Variants in PTPRD observed in about 807,000 individuals in gnomAD.
PTPRD encodes the protein receptor-type tyrosine-protein phosphatase delta.
PTPRD carries 34 observed loss-of-function variants against 214.5 expected under a neutral mutation model. That is an observed-to-expected ratio of 0.16 (90% CI 0.12 to 0.21). The LOEUF is 0.21. Ranked by LOEUF, PTPRD falls within the 10% of genes least tolerant of loss-of-function variation. The pLI, the probability that PTPRD is intolerant of heterozygous loss-of-function variation, is 1.00. For synonymous variants in PTPRD, 1,128 were observed against 845.7 expected (o/e 1.33, Z -5.79); for missense variants, 2,545 against 2,398.7 (o/e 1.06, Z -1.27).
At chr9:9,984,170 A>C (rs1728665335) in intron 4 of PTPRD, among the ~76,000 whole-genome samples, 1 of 152,198 alleles carries the variant, frequency 6.6e-6, no homozygotes, top group Non-Finnish European at 1.5e-5. Flanking sequence ...TTAATAATTA[A>C]ACTGCAAACT....
intron 9 of PTPRD, among the ~76,000 whole-genome samples, chr9:9,205,311 C>T (rs969462847): frequency 2.6e-5 from 4 of 152,068 alleles, no homozygotes; most frequent in African/African-American, 7.2e-5. Flanking sequence ...TCATATAATA[C>T]TGTAAATATG....
intron 11 of PTPRD, among the ~76,000 whole-genome samples, chr9:8,888,233 C>T (rs938819462): frequency 1.3e-5 from 2 of 152,148 alleles, no homozygotes; most frequent in Non-Finnish European, 2.9e-5. Context: ...CAAGAGTGCT[C>T]ATCAAGTACT....
At chr9:8,735,692 T>G (rs927104633) in intron 11 of PTPRD, among the ~76,000 whole-genome samples, 1 of 151,950 alleles carries the variant, frequency 6.6e-6, no homozygotes, top group Non-Finnish European at 1.5e-5. Flanking sequence ...GGAGGATCAC[T>G]TGAGGCCAGG....
rs1430943450 is a variant in PTPRD, at chr9:10,542,891, T to C, written c.-600+69507A>G. ...GCACTACCACGCCAGGCTAATTTTG[T>C]ATTTTTATTTTATTTGTTTATTTAT... On this transcript the variant is annotated intron_variant, in intron 2 of 45. Coordinates refer to ENST00000381196, the MANE Select transcript of PTPRD (RefSeq NM_002839.4). Among the ~76,000 whole-genome samples, 3 of 152,040 alleles carry C rather than the reference T, an allele frequency of 2.0e-5. No homozygotes were observed. In the East Asian group the frequency reaches 5.8e-4, roughly 29 times the overall value.
chr9:8,741,347 A>G (rs536573497), intron 11 of PTPRD, among the ~76,000 whole-genome samples: 20 of 152,282 alleles, frequency 1.3e-4, no homozygotes, highest in African/African-American at 4.6e-4. Flanking sequence ...CATAGCTTCT[A>G]TCTAGTTTTA....
chr9:8,816,599 CAA>C (rs2096924256), intron 11 of PTPRD, among the ~76,000 whole-genome samples: 2 of 152,196 alleles, frequency 1.3e-5, no homozygotes, highest in African/African-American at 4.8e-5. Context: ...GCTTTTATGT[CAA>C]GTTCTGTTAG....
Position 9,109,118 on chromosome 9 carries a change from A to C in PTPRD, c.-143+74186T>G, listed in dbSNP as rs186662267. Among the ~76,000 whole-genome samples the C allele has an allele frequency of 6.4e-3, 980 of 152,262 alleles. 9 individuals are homozygous for C. Among genetic ancestry groups the C allele is most frequent in the African/African-American group, 0.022 (932 of 41,554 alleles). On this transcript the variant is annotated intron_variant, in intron 10 of 45. Transcript: ENST00000381196. ...CTTCCTTAGCAATAAACCATGAGGGAAGAATTCCAACAGTACCTCCATATT... is the reference window on the plus strand; with the variant it reads ...CTTCCTTAGCAATAAACCATGAGGGCAGAATTCCAACAGTACCTCCATATT...
chr9:9,646,295 T>G (rs185905194), intron 7 of PTPRD, among the ~76,000 whole-genome samples: 128 of 151,032 alleles, frequency 8.5e-4, no homozygotes, highest in African/African-American at 2.9e-3. Context: ...GTGACCATTT[T>G]GGGAGGGGTG....
intron 3 of PTPRD, among the ~76,000 whole-genome samples, chr9:10,307,883 T>C (rs2096135690): frequency 6.6e-6 from 1 of 152,050 alleles, no homozygotes; most frequent in South Asian, 2.1e-4. Context: ...AAAATATCTA[T>C]TCATATCATT....
intron 2 of PTPRD, among the ~76,000 whole-genome samples, chr9:10,437,786 T>G (rs1041802373): frequency 2.6e-5 from 4 of 151,200 alleles, no homozygotes; most frequent in Non-Finnish European, 5.9e-5. Context: ...TATATATATA[T>G]CTGATAAAAT....
intron 2 of PTPRD, among the ~76,000 whole-genome samples, chr9:10,537,814 G>A (rs560831896): frequency 6.6e-6 from 1 of 152,036 alleles, no homozygotes; most frequent in African/African-American, 2.4e-5. Context: ...AACAAGCCAG[G>A]CTTTTCCTTA....
chr9:8,652,066 G>C (rs2096823643), intron 12 of PTPRD, among the ~76,000 whole-genome samples: 1 of 152,148 alleles, frequency 6.6e-6, no homozygotes, highest in Non-Finnish European at 1.5e-5. Flanking sequence ...CAGACAGTAA[G>C]GACCTTTATT....
chr9:8,810,223 C>T (rs2096773951), intron 11 of PTPRD, among the ~76,000 whole-genome samples: 2 of 152,232 alleles, frequency 1.3e-5, no homozygotes, highest in Non-Finnish European at 2.9e-5. Flanking sequence ...GTATGATAGA[C>T]TTTGGAAAGA....
chr9:8,953,185 G>A (rs1184986426), intron 11 of PTPRD, among the ~76,000 whole-genome samples: 1 of 151,878 alleles, frequency 6.6e-6, no homozygotes, highest in African/African-American at 2.4e-5. Context: ...TTGTGCAAAA[G>A]TGTGAGTGAA....
intron 11 of PTPRD, among the ~76,000 whole-genome samples, chr9:8,848,611 AT>A (rs1256411848): frequency 6.7e-6 from 1 of 149,962 alleles, no homozygotes; most frequent in Non-Finnish European, 1.5e-5. Context: ...TCCAACATAG[AT>A]TTTTCTTGAA....
At chr9:10,460,628 A>G (rs1310583308) in intron 2 of PTPRD, among the ~76,000 whole-genome samples, 1 of 152,142 alleles carries the variant, frequency 6.6e-6, no homozygotes, top group East Asian at 1.9e-4. Context: ...AGGAAAGGAC[A>G]ATGTCTTCAA....
intron 11 of PTPRD, among the ~76,000 whole-genome samples, chr9:8,894,209 G>A (rs757925338): frequency 4.0e-5 from 6 of 151,804 alleles, no homozygotes; most frequent in African/African-American, 7.3e-5. Flanking sequence ...CAAAAAAATA[G>A]CCAGGTGTGG....
intron 2 of PTPRD, among the ~76,000 whole-genome samples, chr9:10,506,549 T>C (rs2046044445): frequency 6.6e-6 from 1 of 152,152 alleles, no homozygotes; most frequent in Non-Finnish European, 1.5e-5. Context: ...ATGATGTGAT[T>C]ATTATGCATT....
chr9:8,702,834 C>G (rs2098120092), intron 12 of PTPRD, among the ~76,000 whole-genome samples: 1 of 152,196 alleles, frequency 6.6e-6, no homozygotes, highest in Admixed American at 6.5e-5. Flanking sequence ...GTCTCAAACT[C>G]CTGATCTTGT....
Sources: allele counts gnomAD v4.1 joint callset (sites outside exome capture counted in the v4.1 genomes callset), GRCh38; gene constraint gnomAD v4.1.1; transcripts MANE v1.5; gene names NCBI Gene and HGNC (gene_info 2026-07-23, HGNC 2026-07-21).